Variants in HDAC4 observed in about 807,000 individuals in gnomAD.
HDAC4 encodes histone deacetylase 4.
HDAC4 carries 16 observed loss-of-function variants against 135.1 expected under a neutral mutation model. That is an observed-to-expected ratio of 0.12 (90% CI 0.08 to 0.18). The LOEUF (loss-of-function observed/expected upper bound fraction) is 0.18. Among genes scored for constraint, HDAC4 ranks in the 10% least tolerant of loss-of-function variants. The pLI is 1.00. For synonymous variants in HDAC4, 685 were observed against 653.4 expected (o/e 1.05, Z -0.74); for missense variants, 1,143 against 1,511.8 (o/e 0.76, Z 4.05).
intron 7 of HDAC4, 32 bp downstream of exon 7, chr2:239,156,620 C>T (rs1359667322): frequency 6.2e-7 from 1 of 1,613,942 alleles, no homozygotes; most frequent in Admixed American, 1.7e-5. Flanking sequence ...GTGCAGGAGA[C>T]CTCCCGGCCC....
intron 1 of HDAC4, among the ~76,000 whole-genome samples, chr2:239,380,209 G>A (rs1695317742): frequency 6.6e-6 from 1 of 152,252 alleles, no homozygotes; most frequent in South Asian, 2.1e-4. Flanking sequence ...AAATCCCACT[G>A]CGGAATGCGC....
At chr2:239,159,041 C>T (rs1288760964) in intron 6 of HDAC4, among the ~76,000 whole-genome samples, 1 of 151,510 alleles carries the variant, frequency 6.6e-6, no homozygotes, top group Non-Finnish European at 1.5e-5. Flanking sequence ...CACCCACACA[C>T]ACCTCACCCA....
At chr2:239,347,733 G>A (rs771816942) in intron 2 of HDAC4, among the ~76,000 whole-genome samples, 1 of 152,060 alleles carries the variant, frequency 6.6e-6, no homozygotes, top group Admixed American at 6.6e-5. Flanking sequence ...CAGGCTGATC[G>A]CGAACTCCTG....
intron 16 of HDAC4, among the ~76,000 whole-genome samples, 171 bp from the exon 17 acceptor site, chr2:239,095,227 GGCCCTTAGAGGT>G (rs1290235190): frequency 2.6e-5 from 4 of 152,310 alleles, no homozygotes; most frequent in Admixed American, 1.3e-4. Context: ...GTCAGTGTCT[GGCCCTTAGAGGT>G]GCCTTGACTC....
At chr2:239,381,335 A>G (rs1437969781) in intron 1 of HDAC4, among the ~76,000 whole-genome samples, 1 of 152,212 alleles carries the variant, frequency 6.6e-6, no homozygotes, top group African/African-American at 2.4e-5. Context: ...GTTATCTCGA[A>G]CTACATCTGC....
chr2:239,325,196 G>C (rs2053434381), intron 2 of HDAC4, among the ~76,000 whole-genome samples: 1 of 152,156 alleles, frequency 6.6e-6, no homozygotes, highest in African/African-American at 2.4e-5. Flanking sequence ...TGGCTTCTTA[G>C]ATATGACATC....
At position 239,141,369 on chromosome 2, in the gene HDAC4, T is replaced by C. The variant is rs932920390; in HGVS notation, c.866-1573A>G. ...AGAGTGTGGGGTCAGCTCACTGTCCTGGGCATTGAGCATGAATACAGGACT... is the reference window on the plus strand; with the variant it reads ...AGAGTGTGGGGTCAGCTCACTGTCCCGGGCATTGAGCATGAATACAGGACT... On this transcript the variant is annotated intron_variant, in intron 8 of 26. Coordinates refer to ENST00000543185, the MANE Select transcript of HDAC4 (RefSeq NM_001378414.1). This position sits in a 1 kb window ranked among gnomAD's most constrained non-coding sequence, Gnocchi z 4.9. Among the ~76,000 whole-genome samples the C allele has an allele frequency of 1.8e-4, 27 of 152,174 alleles. 1 individual carries two copies. Among genetic ancestry groups the C allele is most frequent in the Admixed American group, 6.5e-5 (1 of 15,280 alleles).
At chr2:239,280,304 A>G (rs1232685255) in intron 2 of HDAC4, among the ~76,000 whole-genome samples, 1 of 152,208 alleles carries the variant, frequency 6.6e-6, no homozygotes, top group East Asian at 1.9e-4. Context: ...AAAGAAGGAA[A>G]GAAGGCCACA....
At chr2:239,367,978 AAAATAAAT>A (rs578057387) in intron 1 of HDAC4, among the ~76,000 whole-genome samples, 60 of 152,062 alleles carry the variant, frequency 3.9e-4, no homozygotes, top group Admixed American at 1.3e-4. Context: ...ACTCCGTCTC[AAAATAAAT>A]AAATAAATAA....
chr2:239,094,518 C>T, intron 17 of HDAC4: 1 of 1,041,338 alleles, frequency 9.6e-7, no homozygotes, highest in Non-Finnish European at 1.2e-6. Flanking sequence ...AGGCCAGGTC[C>T]ATATCATCAG....
In HDAC4 at chr2:239,190,017, C is replaced by G. The variant is rs777568201; in HGVS notation, c.155G>C (p.Arg52Pro). The change falls in exon 4 of 27, where the codon CGC becomes CCC. Residue 52 changes from arginine to proline, a missense_variant. By Grantham distance (103) the Arg-to-Pro change is moderately radical. This residue lies in a region of HDAC4 where 247 missense variants were observed against 310.0 expected (regional missense o/e 0.80). Transcript: ENST00000543185. ...VAPSAVPMDL[R>P]LDHQFSLPVA... ...AGGCAGTGAGAACTGGTGGTCCAGG[C>G]GCAGGTCCATGGGCACTGCCGAGGG... 1 of 1,605,252 alleles carries G rather than the reference C, an allele frequency of 6.2e-7. No homozygotes were observed. The highest frequency in any genetic ancestry group is 8.5e-7 in the Non-Finnish European group (1 of 1,179,846).
intron 24 of HDAC4, among the ~76,000 whole-genome samples, chr2:239,057,757 C>A (rs1037188901): frequency 6.6e-6 from 1 of 152,158 alleles, no homozygotes; most frequent in African/African-American, 2.4e-5. Context: ...CCAAGGGACA[C>A]TCTAGTGGAT....
chr2:239,275,976 G>A (rs1161617037), intron 2 of HDAC4, among the ~76,000 whole-genome samples: 2 of 152,148 alleles, frequency 1.3e-5, no homozygotes, highest in Admixed American at 1.3e-4. Flanking sequence ...GCACCAGGCG[G>A]TGGTGGACAG....
Position 239,068,352 on chromosome 2 carries a change from T to A in HDAC4, c.2869+137A>T. On this transcript the variant is annotated intron_variant, in intron 23 of 26. Coordinates refer to ENST00000543185, the MANE Select transcript of HDAC4 (RefSeq NM_001378414.1). This position sits in a 1 kb window ranked among gnomAD's most constrained non-coding sequence, Gnocchi z 4.4. ...GCCTCCCAAATGGACTGGTTCCCAG[T>A]ACGGTCAGAACCTTGGTCATTAGTA... 1.5e-6 allele frequency: 1 copy of A among 677,446 alleles called. No individual in the cohort carries two copies. The highest frequency in any genetic ancestry group is 1.7e-5 in the South Asian group (1 of 57,920). 42.0% of individuals were successfully genotyped at this position (677,446 alleles called of 1,614,324 possible). A position where few individuals can be genotyped will look rare whatever the true frequency, so the allele number is the denominator to read the frequency against.
chr2:239,265,957 G>A (rs981650841), intron 2 of HDAC4, among the ~76,000 whole-genome samples: 3 of 152,192 alleles, frequency 2.0e-5, no homozygotes, highest in Non-Finnish European at 4.4e-5. Flanking sequence ...AAAGCGAGCT[G>A]CCTGTCCATC....
In HDAC4 at chr2:239,349,055, G is replaced by A. The variant is rs558539963; in HGVS notation, c.22+3623C>T. On this transcript the variant is annotated intron_variant, in intron 2 of 26. Transcript: ENST00000543185. The surrounding 1 kb of genome is among the most constrained non-coding windows in gnomAD (Gnocchi z 5.7). Reference sequence around the variant, plus strand: ...TGACAAATGTGAGAGGGGGCCCATGGGCGGCTGGACTCCCCCAGCCCGGCC... The same window carrying A: ...TGACAAATGTGAGAGGGGGCCCATGAGCGGCTGGACTCCCCCAGCCCGGCC... Among the ~76,000 whole-genome samples the A allele has an allele frequency of 6.6e-6, 1 of 152,220 alleles. No homozygotes were observed. Among genetic ancestry groups the A allele is most frequent in the Non-Finnish European group, 1.5e-5 (1 of 68,030 alleles).
chr2:239,066,698 G>C (rs370392690), intron 24 of HDAC4, 24 bp downstream of exon 24: 34 of 1,613,196 alleles, frequency 2.1e-5, no homozygotes, highest in Non-Finnish European at 2.8e-5. Context: ...GGAGCATCCT[G>C]TGGGGTCTCT....
intron 10 of HDAC4, 36 bp downstream of exon 10, chr2:239,134,489 CCA>C: frequency 6.2e-7 from 1 of 1,613,202 alleles, no homozygotes; most frequent in East Asian, 2.2e-5. Flanking sequence ...CCCATCACCA[CCA>C]CCCCACACCA....
At chr2:239,282,605 A>C (rs2050858243) in intron 2 of HDAC4, among the ~76,000 whole-genome samples, 1 of 147,840 alleles carries the variant, frequency 6.8e-6, no homozygotes, top group African/African-American at 2.5e-5. Context: ...ACCACTCTGC[A>C]AACAATGTAC....
Sources: gnomAD v4.1 joint callset for allele counts (sites outside exome capture counted in the v4.1 genomes callset) on GRCh38, gnomAD v4.1.1 for gene constraint, gnomAD v4.1.1 regional missense constraint, Gnocchi (gnomAD v3.1) non-coding constraint, MANE v1.5 for transcripts, NCBI Gene and HGNC (gene_info 2026-07-23, HGNC 2026-07-21) for gene names.